The following CDK14 variants were observed in gnomAD, a reference collection of about 807,000 sequenced individuals.
The protein encoded by CDK14 is cyclin-dependent kinase 14.
In CDK14, 34 loss-of-function variants were observed where a neutral mutation model predicts 60.7. The ratio of observed to expected loss-of-function variants is 0.56; its 90% CI spans 0.43 to 0.75. CDK14 has a LOEUF of 0.75. Among genes scored for constraint, CDK14 ranks in the 30% least tolerant of loss-of-function variants. CDK14 has a pLI of 0.00. For synonymous variants in CDK14, 197 were observed against 203.7 expected (o/e 0.97, Z 0.28); for missense variants, 482 against 564.1 (o/e 0.85, Z 1.47).
chr7:90,644,343 G>A (rs1433540134), intron 2 of CDK14, among the ~76,000 whole-genome samples: 1 of 152,132 alleles, frequency 6.6e-6, no homozygotes, highest in Admixed American at 6.5e-5. Flanking sequence ...TATCCATTTT[G>A]GATTCCCTTA....
At chr7:90,936,485 T>C (rs766737464) in intron 8 of CDK14, among the ~76,000 whole-genome samples, 2 of 152,230 alleles carry the variant, frequency 1.3e-5, no homozygotes, top group Non-Finnish European at 2.9e-5. Context: ...AGAAAACTTT[T>C]GTCTAGAAAG....
intron 2 of CDK14, among the ~76,000 whole-genome samples, chr7:90,668,814 T>A (rs994158993): frequency 2.7e-5 from 4 of 148,382 alleles, no homozygotes; most frequent in Non-Finnish European, 4.5e-5. Context: ...GCCCAAGCAA[T>A]CTTCATGCCT....
chr7:90,922,041 A>G (rs1236536844), intron 8 of CDK14, among the ~76,000 whole-genome samples: 1 of 152,186 alleles, frequency 6.6e-6, no homozygotes, highest in African/African-American at 2.4e-5. Context: ...TCAGATGCAG[A>G]GTAGTGTGTC....
rs776222469 is a variant in CDK14, at chr7:90,596,587, G to GT, written c.-41_-40insT. 1 of 1,556,780 alleles carries GT rather than the reference G, an allele frequency of 6.4e-7. No individual in the cohort carries two copies. The highest frequency in any genetic ancestry group is 1.1e-5 in the South Asian group (1 of 89,704). On this transcript the variant is annotated 5_prime_UTR_variant, in exon 1 of 15. Coordinates refer to ENST00000380050, the MANE Select transcript of CDK14 (RefSeq NM_001287135.2). ...CCTCGCCGTTGTCTGAGCTGTGCCTGGACCAGTTTGGGGAAGTTGTCGGGG... is the reference window on the plus strand; with the variant it reads ...CCTCGCCGTTGTCTGAGCTGTGCCTGTGACCAGTTTGGGGAAGTTGTCGGGG...
At chr7:90,752,507 GA>G (rs753113069) in intron 4 of CDK14, among the ~76,000 whole-genome samples, 3 of 151,918 alleles carry the variant, frequency 2.0e-5, no homozygotes, top group Non-Finnish European at 2.9e-5. Flanking sequence ...TGGGATACAG[GA>G]AAAACAGTGT....
At chr7:90,897,650 G>A (rs1234241354) in intron 6 of CDK14, among the ~76,000 whole-genome samples, 1 of 152,048 alleles carries the variant, frequency 6.6e-6, no homozygotes, top group African/African-American at 2.4e-5. Context: ...GGATGGGGAA[G>A]TTAATAATAT....
intron 12 of CDK14, among the ~76,000 whole-genome samples, chr7:91,090,015 T>G (rs970603019): frequency 7.9e-5 from 12 of 152,226 alleles, no homozygotes; most frequent in African/African-American, 2.7e-4. Flanking sequence ...CCTTTGCTTT[T>G]AGCTTGTGAC....
chr7:90,673,038 T>C (rs1801129095), intron 2 of CDK14, among the ~76,000 whole-genome samples: 1 of 152,186 alleles, frequency 6.6e-6, no homozygotes, highest in Non-Finnish European at 1.5e-5. Context: ...ACAGTAAATT[T>C]ACTAGTAAGG....
At chr7:91,202,627 C>T (rs528042068) in intron 14 of CDK14, among the ~76,000 whole-genome samples, 3 of 152,124 alleles carry the variant, frequency 2.0e-5, no homozygotes, top group Non-Finnish European at 4.4e-5. Flanking sequence ...TCTGACCTAC[C>T]TTATATGCAC....
At chr7:90,833,520 A>G (rs1789984804) in intron 5 of CDK14, among the ~76,000 whole-genome samples, 1 of 152,218 alleles carries the variant, frequency 6.6e-6, no homozygotes, top group Non-Finnish European at 1.5e-5. Context: ...GTCTAGTTCA[A>G]AAATGAAAAT....
At chr7:91,199,526 A>C (rs1165113080) in intron 14 of CDK14, among the ~76,000 whole-genome samples, 1 of 152,170 alleles carries the variant, frequency 6.6e-6, no homozygotes, top group Non-Finnish European at 1.5e-5. Flanking sequence ...TCACACCATT[A>C]AAATAGAACA....
In CDK14 at chr7:91,065,501, G is replaced by A. The variant is rs530204204; in HGVS notation, c.1106-13931G>A. On this transcript the variant is annotated intron_variant, in intron 11 of 14. Transcript: ENST00000380050. ...AAAAGTCTGGCCCTCTTTATTTGAG[G>A]TCAACTCTTTTCTGCTGTACACAAA... is the stretch of plus-strand genomic sequence containing the variant. 7.2e-5 allele frequency among the ~76,000 whole-genome samples: 11 copies of A among 152,258 alleles called. No individual in the cohort carries two copies. The South Asian group carries it at 2.3e-3, about 32-fold the overall frequency.
chr7:91,008,783 A>T lies in CDK14; in HGVS notation c.1041+24542A>T, dbSNP rs551492407. ...AGTGTAGAAATGCTACTGTACAAGA[A>T]TACAAAGTTGTATTCCATGTTAAAT... On this transcript the variant is annotated intron_variant, in intron 10 of 14. Coordinates refer to ENST00000380050, the MANE Select transcript of CDK14 (RefSeq NM_001287135.2). Among the ~76,000 whole-genome samples, 9 of 152,360 alleles carry T rather than the reference A, an allele frequency of 5.9e-5. No individual in the cohort carries two copies. The East Asian group carries it at 1.7e-3, about 29-fold the overall frequency.
At chr7:90,774,808 T>A (rs1022955648) in intron 4 of CDK14, among the ~76,000 whole-genome samples, 36 of 152,080 alleles carry the variant, frequency 2.4e-4, no homozygotes, top group African/African-American at 8.5e-4. Flanking sequence ...TGGAGAAGAG[T>A]CTGAACTCTG....
chr7:91,185,454 G>A (rs969928331), intron 14 of CDK14, among the ~76,000 whole-genome samples: 2 of 151,808 alleles, frequency 1.3e-5, no homozygotes, highest in African/African-American at 4.8e-5. Flanking sequence ...ACAATATAAA[G>A]AGGACATACC....
chr7:90,779,730 G>A (rs997610998), intron 4 of CDK14, among the ~76,000 whole-genome samples: 9 of 152,058 alleles, frequency 5.9e-5, no homozygotes, highest in African/African-American at 1.4e-4. Flanking sequence ...AGAAAACCCC[G>A]GACCTTATAT....
In CDK14 at chr7:90,790,527, A is replaced by G. The variant is rs150370507; in HGVS notation, c.465-46A>G. ...TATAAGGAAGACAATTAGAACTATA[A>G]TGGGCACATATTTTTATGAATTCAC... On this transcript the variant is annotated intron_variant, in intron 4 of 14. Transcript: ENST00000380050. 3.7e-4 allele frequency: 470 copies of G among 1,263,868 alleles called. No homozygotes were observed. In the African/African-American group the frequency reaches 6.5e-3, roughly 18 times the overall value. The allele number at this position is 1,263,868 out of a possible 1,614,324, so 78.3% of individuals were successfully genotyped here.
chr7:91,130,973 G>A (rs1015770335), intron 14 of CDK14, among the ~76,000 whole-genome samples: 9 of 152,068 alleles, frequency 5.9e-5, no homozygotes, highest in Non-Finnish European at 1.0e-4. Context: ...GTCTTTTCCC[G>A]CCGAGCTCCC....
chr7:91,149,483 G>GCT (rs1442233722), intron 14 of CDK14, among the ~76,000 whole-genome samples: 2 of 152,110 alleles, frequency 1.3e-5, no homozygotes, highest in Non-Finnish European at 2.9e-5. Flanking sequence ...AGCAGTTTAA[G>GCT]CTCTCTCTCT....
Sources: gnomAD v4.1 joint callset for allele counts (sites outside exome capture counted in the v4.1 genomes callset) on GRCh38, gnomAD v4.1.1 for gene constraint, MANE v1.5 for transcripts, NCBI Gene and HGNC (gene_info 2026-07-23, HGNC 2026-07-21) for gene names.